Variants in RAB36 observed in about 807,000 individuals in gnomAD.
The protein encoded by RAB36 is RAB36, member RAS oncogene family.
RAB36 carries 33 observed loss-of-function variants against 39.3 expected under a neutral mutation model. The observed-to-expected ratio is 0.84, with a 90% confidence interval of 0.64 to 1.12. The LOEUF (loss-of-function observed/expected upper bound fraction) is 1.12, where lower values mean the gene tolerates loss of function less well. Among genes scored for constraint, RAB36 ranks in the 50% most tolerant of loss-of-function variants. The pLI is 0.00. For synonymous variants in RAB36, 133 were observed against 140.2 expected, an observed-to-expected ratio of 0.95 and a Z score of 0.36; for missense variants, 308 against 355.3, an observed-to-expected ratio of 0.87 and a Z score of 1.07.
intron 1 of RAB36, 81 bp downstream of exon 1, chr22:23,145,632 G>A (rs1196467346): frequency 2.3e-5 from 33 of 1,440,198 alleles, no homozygotes; most frequent in Non-Finnish European, 2.9e-5. Flanking sequence ...GGGCCGCGAG[G>A]GCACAGCGTC....
downstream of RAB36, among the ~76,000 whole-genome samples, chr22:23,168,002 A>G (rs2072078920): frequency 6.6e-6 from 1 of 152,112 alleles, no homozygotes. Context: ...ATGAGCCAGC[A>G]TGCCCAGCTA....
rs750882908 is a variant in RAB36 at position 23,153,154 on chromosome 22, A to G, written c.329+20A>G. The G allele has an allele frequency of 2.4e-5, 39 of 1,594,232 alleles. No individual in the cohort carries two copies. Among genetic ancestry groups the G allele is most frequent in the Middle Eastern group, 1.7e-4 (1 of 6,036 alleles). On this transcript the variant is annotated intron_variant, in intron 5 of 10. Transcript: ENST00000263116. ...CCAGATGTAAGTTGCTGGTTCCCCC[A>G]TGGCTCGTGGGCAGCTTCCTACAGG...
rs1392990753 is a variant in RAB36 at position 23,152,468 on chromosome 22, C to T, written c.169C>T (p.Leu57Phe). ...RRNTGTVGLK[L>F]SKVVVVGDLY... ...CGGCCATATTTCTCACAGGCTCAAA[C>T]TCTCCAAGGTGGTGGTGGTTGGCGA... The change falls in exon 4 of 11, where the codon CTC becomes TTC. Residue 57 changes from leucine (L) to phenylalanine (F), a missense_variant. Coordinates refer to ENST00000263116, the MANE Select transcript of RAB36 (RefSeq NM_004914.5). 6.2e-7 allele frequency: 1 copy of T among 1,614,070 alleles called. No individual in the cohort carries two copies. Among genetic ancestry groups the T allele is most frequent in the African/African-American group, 1.3e-5 (1 of 74,920 alleles).
At position 23,145,891 on chromosome 22, in the gene RAB36, C is replaced by A. The variant is rs909150762; in HGVS notation, c.-13+340C>A. Reference sequence around the variant, plus strand: ...AGAGGCCTGGTGAAGTGAGGGTTTTCAGGGAAAAGGCCTAGTTGGCTGAAA... The same window carrying A: ...AGAGGCCTGGTGAAGTGAGGGTTTTAAGGGAAAAGGCCTAGTTGGCTGAAA... On this transcript the variant is annotated intron_variant, in intron 1 of 10. Transcript: ENST00000263116. The A allele has an allele frequency of 4.9e-6, 4 of 809,276 alleles. No homozygotes were observed. In the African/African-American group the frequency reaches 5.6e-5, roughly 11 times the overall value. 50.1% of individuals were successfully genotyped at this position (809,276 alleles called of 1,614,324 possible). A position where few individuals can be genotyped will look rare whatever the true frequency, so the allele number is the denominator to read the frequency against.
intron 9 of RAB36, 97 bp downstream of exon 9, chr22:23,159,350 C>A: frequency 1.7e-6 from 2 of 1,204,214 alleles, no homozygotes; most frequent in South Asian, 1.5e-5. Context: ...TGTAGCCAGT[C>A]GTCTGTTCCC....
chr22:23,159,252 T>A lies in RAB36; in HGVS notation c.618T>A (p.Thr206=), dbSNP rs1422629568. 6.3e-7 allele frequency: 1 copy of A among 1,586,636 alleles called. No individual in the cohort carries two copies. Among genetic ancestry groups the A allele is most frequent in the African/African-American group, 1.3e-5 (1 of 74,336 alleles). The change falls in exon 9 of 11, where the codon ACT becomes ACA. Residue 206 remains threonine (T), a splice_region_variant and synonymous_variant. Transcript: ENST00000263116. ...AGTACTGGTCAGTGTCGGCCAAGACTGGTGAGTGGGCCAGGGCTGTCACCA... is the reference window on the plus strand; with the variant it reads ...AGTACTGGTCAGTGTCGGCCAAGACAGGTGAGTGGGCCAGGGCTGTCACCA... The part of the protein sequence containing the change: ...QAEYWSVSAK[T]GENVKAFFSR...
chr22:23,155,229 G>A (rs759412842), intron 5 of RAB36, among the ~76,000 whole-genome samples: 3 of 152,184 alleles, frequency 2.0e-5, no homozygotes, highest in African/African-American at 4.8e-5. Flanking sequence ...CTCAAAAAGC[G>A]ATGGATTGGG....
At chr22:23,166,894 A>G (rs1328132423), downstream of RAB36, among the ~76,000 whole-genome samples, 1 of 152,028 alleles carries the variant, frequency 6.6e-6, no homozygotes, top group African/African-American at 2.4e-5. Context: ...CTCCTGGGGG[A>G]GTAGCAAGAG....
chr22:23,160,736 C>T, intron 9 of RAB36, 143 bp from the exon 10 acceptor site: 1 of 1,181,240 alleles, frequency 8.5e-7, no homozygotes, highest in South Asian at 1.5e-5. Context: ...GCTGTGCCCT[C>T]CTGGGGTCAT....
chr22:23,148,255 A>G (rs1399237549), intron 2 of RAB36, among the ~76,000 whole-genome samples: 1 of 152,178 alleles, frequency 6.6e-6, no homozygotes, highest in Non-Finnish European at 1.5e-5. Flanking sequence ...TGGGTTTTCC[A>G]TCTCAACAGA....
chr22:23,168,392 G>T (rs1015581448), downstream of RAB36, among the ~76,000 whole-genome samples: 3 of 152,156 alleles, frequency 2.0e-5, no homozygotes, highest in Admixed American at 6.5e-5. Context: ...GAAGACATGT[G>T]GGGGGTTTCA....
rs2071017841 is a variant in RAB36, at chr22:23,150,096, G to A, written c.103G>A (p.Glu35Lys). The change falls in exon 3 of 11, where the codon GAG becomes AAG. Residue 35 changes from glutamate to lysine, a missense_variant. Glu to Lys is a moderately conservative substitution (Grantham distance 56). Transcript: ENST00000263116. ...GCCGGAAGCCTGTTTGCAGCTCAGG[G>A]AGCACTTCCACGGGCAGGTCAGCGC... ...YTPEACLQLREHFHGQVSAAC... is the reference protein window; with the variant it reads ...YTPEACLQLRKHFHGQVSAAC... The A allele has an allele frequency of 5.0e-6, 8 of 1,612,416 alleles. No homozygotes were observed. The highest frequency in any genetic ancestry group is 6.8e-6 in the Non-Finnish European group (8 of 1,179,364).
intron 1 of RAB36, 52 bp downstream of exon 1, chr22:23,145,603 C>T (rs2070719210): frequency 6.5e-7 from 1 of 1,549,322 alleles, no homozygotes; most frequent in Non-Finnish European, 8.7e-7. Flanking sequence ...CAACCCCGTG[C>T]TGGCACATCC....
chr22:23,159,851 G>A (rs142356050), intron 9 of RAB36, among the ~76,000 whole-genome samples: 55 of 152,322 alleles, frequency 3.6e-4, no homozygotes, highest in African/African-American at 1.3e-3. Flanking sequence ...CCAGCCCAAG[G>A]CAAGATGCCC....
chr22:23,155,133 A>G (rs1245286812), intron 5 of RAB36, among the ~76,000 whole-genome samples: 3 of 152,204 alleles, frequency 2.0e-5, no homozygotes, highest in Non-Finnish European at 2.9e-5. Context: ...CTCAAAAAAA[A>G]AGAAAAAAAT....
At chr22:23,155,131 AAAAG>A (rs970392816) in intron 5 of RAB36, among the ~76,000 whole-genome samples, 3 of 152,224 alleles carry the variant, frequency 2.0e-5, no homozygotes, top group African/African-American at 7.2e-5. Context: ...ACCTCAAAAA[AAAAG>A]AAAAAAATCA....
At chr22:23,168,493 C>T (rs1360869708), downstream of RAB36, among the ~76,000 whole-genome samples, 1 of 147,228 alleles carries the variant, frequency 6.8e-6, no homozygotes, top group African/African-American at 2.6e-5. Context: ...GCACCGCTCC[C>T]CGCCACACAC....
Position 23,161,073 on chromosome 22 carries a change from C to T in RAB36, c.739+75C>T, listed in dbSNP as rs1298541969. The T allele has an allele frequency of 2.8e-5, 42 of 1,510,036 alleles. No homozygotes were observed. The East Asian group carries it at 6.9e-4, about 25-fold the overall frequency. The allele number at this position is 1,510,036 out of a possible 1,614,324, so 93.5% of individuals were successfully genotyped here. On this transcript the variant is annotated intron_variant, in intron 10 of 10. Transcript: ENST00000263116. The stretch of plus-strand genomic sequence containing the variant: ...AAATCCACATGCGCCATCCTCGTCA[C>T]CTGAGGCCTTGCCATTTCCTGAACT...
At chr22:23,160,529 C>G (rs1178325982) in intron 9 of RAB36, among the ~76,000 whole-genome samples, 1 of 152,222 alleles carries the variant, frequency 6.6e-6, no homozygotes, top group African/African-American at 2.4e-5. Context: ...CATATCTGTC[C>G]TGAGTTCCAC....
Sources: allele counts gnomAD v4.1 joint callset (sites outside exome capture counted in the v4.1 genomes callset), GRCh38; gene constraint gnomAD v4.1.1; transcripts MANE v1.5; gene names NCBI Gene and HGNC (gene_info 2026-07-23, HGNC 2026-07-21).